MROH7: variants seen among roughly 807,000 people sequenced by gnomAD.
The protein encoded by MROH7 is maestro heat like repeat family member 7.
A neutral mutation model predicts 129.2 loss-of-function variants in MROH7; 113 were observed. The observed-to-expected ratio is 0.87, with a 90% confidence interval of 0.75 to 1.02. MROH7 has a LOEUF of 1.02. Ranked by LOEUF, MROH7 falls within the 50% of genes least tolerant of loss-of-function variation. The pLI, the probability that MROH7 is intolerant of heterozygous loss-of-function variation, is 0.00. For missense variants in MROH7, 1,601 were observed against 1,671.3 expected (o/e 0.96, Z 0.73); for synonymous variants, 655 against 667.9 (o/e 0.98, Z 0.30).
intron 3 of MROH7, among the ~76,000 whole-genome samples, chr1:54,654,939 G>A (rs577638424): frequency 3.3e-5 from 5 of 151,538 alleles, no homozygotes; most frequent in East Asian, 3.9e-4. Context: ...ATTTGTCCAT[G>A]CGCCAATACT....
chr1:54,663,712 A>AAAC (rs777574794), intron 3 of MROH7: 1 of 412,698 alleles, frequency 2.4e-6, no homozygotes, highest in Non-Finnish European at 4.7e-6. Flanking sequence ...CAAAAAAAAA[A>AAAC]CAAGCTTTTG....
Position 54,673,084 on chromosome 1 carries a change from T to C in MROH7, c.1600-7T>C. 6.2e-7 allele frequency: 1 copy of C among 1,611,268 alleles called. No individual in the cohort carries two copies. On this transcript the variant is annotated splice_region_variant and splice_polypyrimidine_tract_variant and intron_variant, in intron 7 of 23. Transcript: ENST00000421030. ...CCTTAGTGGCTTGGTCCTCCTCCCA[T>C]CCACAGGCTCTTTACCATCAGACCC...
chr1:54,696,547 T>C (rs1645324641), intron 17 of MROH7, among the ~76,000 whole-genome samples: 1 of 152,106 alleles, frequency 6.6e-6, no homozygotes. Flanking sequence ...CTATTCTAGG[T>C]ATCTTATGTA....
intron 15 of MROH7, among the ~76,000 whole-genome samples, chr1:54,690,281 T>C (rs1425370114): frequency 2.7e-5 from 3 of 112,500 alleles, no homozygotes; most frequent in Non-Finnish European, 3.5e-5. Flanking sequence ...GGGAGGGAAA[T>C]GAGGCCTGGG....
chr1:54,649,372 GTAGTGAGC>G (rs1485145965), intron 1 of MROH7, among the ~76,000 whole-genome samples: 1 of 152,268 alleles, frequency 6.6e-6, no homozygotes, highest in Non-Finnish European at 1.5e-5. Flanking sequence ...TCAGCAGGGA[GTAGTGAGC>G]TCCTTTAGCT....
chr1:54,662,799 G>A (rs1009707528), intron 3 of MROH7, among the ~76,000 whole-genome samples: 4 of 152,112 alleles, frequency 2.6e-5, no homozygotes, highest in Non-Finnish European at 5.9e-5. Flanking sequence ...CTCATTGTAC[G>A]TTTTTTCTAG....
rs1645028857 is a variant in MROH7 at position 54,679,220 on chromosome 1, G to A, written c.2050-43G>A. 1.9e-6 allele frequency: 3 copies of A among 1,606,510 alleles called. 1 individual carries two copies. In the Admixed American group the frequency reaches 5.0e-5, roughly 27 times the overall value. On this transcript the variant is annotated intron_variant, in intron 11 of 23. Transcript: ENST00000421030. ...CACAAAGCTCGAAGCTCAAAGCTCG[G>A]GCTACCCATCAGTGTGTCATGATCT...
intron 18 of MROH7, 123 bp downstream of exon 18, chr1:54,700,584 C>T: frequency 1.1e-6 from 1 of 906,232 alleles, no homozygotes; most frequent in Non-Finnish European, 1.6e-6. Flanking sequence ...CTATCTTAGC[C>T]TCAGTTGTCC....
intron 15 of MROH7, among the ~76,000 whole-genome samples, chr1:54,691,803 A>AGTGT (rs373106798): frequency 0.057 from 5,966 of 104,068 alleles, 197 homozygotes; most frequent in Non-Finnish European, 0.066. Flanking sequence ...AAAAAAAAAA[A>AGTGT]GTGTGTGTGT....
chr1:54,700,577 T>C (rs551842965), intron 18 of MROH7, 116 bp downstream of exon 18: 396 of 1,013,836 alleles, frequency 3.9e-4, no homozygotes, highest in Non-Finnish European at 5.3e-4. Flanking sequence ...ATCATTTCTA[T>C]CTTAGCCTCA....
chr1:54,659,038 A>G (rs1644690281), intron 3 of MROH7: 1 of 393,712 alleles, frequency 2.5e-6, no homozygotes, highest in South Asian at 1.8e-5. Context: ...TTATTCTTGA[A>G]CTTATTGCCA....
intron 3 of MROH7, among the ~76,000 whole-genome samples, chr1:54,662,986 G>A (rs571135784): frequency 1.3e-5 from 2 of 152,264 alleles, no homozygotes; most frequent in African/African-American, 2.4e-5. Flanking sequence ...AAGTGACGCT[G>A]GGTTTTTCTC....
At chr1:54,670,667 ACCCG>A in intron 6 of MROH7, 91 bp downstream of exon 6, 2 of 960,094 alleles carry the variant, frequency 2.1e-6, no homozygotes, top group Non-Finnish European at 3.0e-6. Context: ...CCCTCCCCCA[ACCCG>A]CCCCCACCCC....
At chr1:54,695,547 T>A (rs549135165) in intron 17 of MROH7, 57 bp downstream of exon 17, 5 of 1,063,284 alleles carry the variant, frequency 4.7e-6, no homozygotes, top group Non-Finnish European at 7.2e-6. Context: ...TCGGTTCACG[T>A]CACTGGTCAT....
chr1:54,657,058 T>A (rs1253311813), intron 3 of MROH7, among the ~76,000 whole-genome samples: 1 of 150,474 alleles, frequency 6.6e-6, no homozygotes, highest in Non-Finnish European at 1.5e-5. Context: ...CTTTTTTTTT[T>A]TTTTTTTTAG....
chr1:54,692,159 A>C (rs116366911), intron 15 of MROH7, among the ~76,000 whole-genome samples: 1 of 152,350 alleles, frequency 6.6e-6, no homozygotes, highest in East Asian at 1.9e-4. Flanking sequence ...TGGCTGATGC[A>C]TAGTGGAGGG....
At chr1:54,701,697 T>C (rs1348711917) in intron 19 of MROH7, among the ~76,000 whole-genome samples, 2 of 152,104 alleles carry the variant, frequency 1.3e-5, no homozygotes, top group African/African-American at 2.4e-5. Flanking sequence ...AGCCTCCTGA[T>C]AGCTGGGACT....
rs765186905 is a variant in MROH7 at position 54,692,478 on chromosome 1, GA to G, written c.2767del (p.Thr923ProfsTer89). 2 of 1,614,150 alleles carry G rather than the reference GA, an allele frequency of 1.2e-6. No individual in the cohort carries two copies. The highest frequency in any genetic ancestry group is 2.2e-5 in the South Asian group (2 of 91,078). ...LLLRMGCSYE[T>X]TFLEDQGGWE... is the part of the protein sequence containing the mutation. ...TACTGAGGATGGGCTGCTCTTATGA[GA>G]CCACGTTTCTGGAGGACCAGGGTGG... On this transcript the variant is annotated frameshift_variant, in exon 16 of 24. Transcript: ENST00000421030. LOFTEE classifies it high-confidence loss of function.
intron 3 of MROH7, among the ~76,000 whole-genome samples, chr1:54,661,863 C>T (rs1019178458): frequency 1.4e-4 from 21 of 151,916 alleles, no homozygotes; most frequent in African/African-American, 4.6e-4. Flanking sequence ...CCCAAAGTGC[C>T]GGTATTACAG....
Sources: gnomAD v4.1 joint callset for allele counts (sites outside exome capture counted in the v4.1 genomes callset) on GRCh38, gnomAD v4.1.1 for gene constraint, MANE v1.5 for transcripts, NCBI Gene and HGNC (gene_info 2026-07-23, HGNC 2026-07-21) for gene names.